PRKG1: variants seen among roughly 807,000 people sequenced by gnomAD.
PRKG1 encodes the protein protein kinase cGMP-dependent 1, also known as cGMP-dependent protein kinase 1.
In PRKG1, 35 loss-of-function variants were observed where a neutral mutation model predicts 88.1. The ratio of observed to expected loss-of-function variants is 0.40; its 90% confidence interval spans 0.30 to 0.53. PRKG1 has a LOEUF of 0.53. Ranked by LOEUF, PRKG1 falls within the 20% of genes least tolerant of loss-of-function variation. PRKG1 has a pLI of 0.59. For synonymous variants in PRKG1, 303 were observed against 292.5 expected (o/e 1.04, Z -0.37); for missense variants, 540 against 839.8 (o/e 0.64, Z 4.41).
At chr10:52,166,279 G>T (rs1049132115) in intron 9 of PRKG1, among the ~76,000 whole-genome samples, 8 of 151,880 alleles carry the variant, frequency 5.3e-5, no homozygotes, top group Non-Finnish European at 4.4e-5. Context: ...GCTTTATAAC[G>T]TGCACACCAA....
chr10:51,844,749 C>T (rs1840359103), intron 4 of PRKG1, among the ~76,000 whole-genome samples: 1 of 151,870 alleles, frequency 6.6e-6, no homozygotes, highest in Admixed American at 6.6e-5. Context: ...CAATAAATAG[C>T]CAAAAAGTTA....
chr10:51,861,522 C>T (rs1272582563), intron 4 of PRKG1, among the ~76,000 whole-genome samples: 1 of 152,134 alleles, frequency 6.6e-6, no homozygotes, highest in Non-Finnish European at 1.5e-5. Flanking sequence ...CTTTGGCTTG[C>T]AGTCTTAAGT....
At chr10:51,298,891 T>C (rs1192712096) in intron 2 of PRKG1, among the ~76,000 whole-genome samples, 1 of 152,172 alleles carries the variant, frequency 6.6e-6, no homozygotes, top group Non-Finnish European at 1.5e-5. Flanking sequence ...GAAGCTTGAT[T>C]GCTGTGATCT....
intron 1 of PRKG1, among the ~76,000 whole-genome samples, chr10:51,139,342 A>G (rs955453722): frequency 2.0e-5 from 3 of 152,352 alleles, no homozygotes; most frequent in East Asian, 1.9e-4. Flanking sequence ...AGAATAGCCA[A>G]TGATTTAAAA....
intron 1 of PRKG1, among the ~76,000 whole-genome samples, chr10:51,114,841 T>C (rs1379191922): frequency 6.6e-6 from 1 of 152,224 alleles, no homozygotes; most frequent in Non-Finnish European, 1.5e-5. Flanking sequence ...AATGGGCAAT[T>C]AATTTCTGCA....
intron 1 of PRKG1, among the ~76,000 whole-genome samples, chr10:51,048,853 CT>C (rs36099501): frequency 0.26 from 38,293 of 148,062 alleles, 4,995 homozygotes; most frequent in African/African-American, 0.3. Flanking sequence ...AGTATAGTGA[CT>C]TTTTTTTTTT....
chr10:51,285,535 A>G (rs1032418565), intron 2 of PRKG1, among the ~76,000 whole-genome samples: 1 of 152,208 alleles, frequency 6.6e-6, no homozygotes, highest in African/African-American at 2.4e-5. Flanking sequence ...GATCTGTTAA[A>G]ACAGTATATT....
intron 4 of PRKG1, among the ~76,000 whole-genome samples, chr10:51,875,722 A>C (rs2132867757): frequency 6.6e-6 from 1 of 152,354 alleles, no homozygotes; most frequent in African/African-American, 2.4e-5. Context: ...TAATACTTAA[A>C]GCAAAAAGGG....
intron 1 of PRKG1, among the ~76,000 whole-genome samples, chr10:51,035,118 C>T (rs148017403): frequency 6.6e-6 from 1 of 152,166 alleles, no homozygotes; most frequent in East Asian, 1.9e-4. Context: ...GGGGTTTGGG[C>T]TCTGGGTTCA....
chr10:52,088,459 A>C (rs1846971520), intron 7 of PRKG1, among the ~76,000 whole-genome samples: 1 of 152,082 alleles, frequency 6.6e-6, no homozygotes, highest in Non-Finnish European at 1.5e-5. Flanking sequence ...GTTGAAACTG[A>C]ATTCCCAATA....
At chr10:51,755,620 ATTTAAC>A (rs1837839805) in intron 3 of PRKG1, among the ~76,000 whole-genome samples, 3 of 152,338 alleles carry the variant, frequency 2.0e-5, no homozygotes, top group African/African-American at 4.8e-5. Context: ...ACCTTTTCAA[ATTTAAC>A]TTTATATTTG....
chr10:51,276,094 C>G (rs909551220), intron 2 of PRKG1, among the ~76,000 whole-genome samples: 31 of 151,882 alleles, frequency 2.0e-4, no homozygotes, highest in Non-Finnish European at 3.1e-4. Flanking sequence ...AGGTATATCT[C>G]TTAATGCTAT....
At chr10:51,561,475 C>T (rs538212344) in intron 3 of PRKG1, among the ~76,000 whole-genome samples, 1 of 152,226 alleles carries the variant, frequency 6.6e-6, no homozygotes, top group African/African-American at 2.4e-5. Flanking sequence ...AGGTGTTTTG[C>T]AAAGTGCTTG....
intron 2 of PRKG1, among the ~76,000 whole-genome samples, chr10:51,263,403 T>G (rs1589291323): frequency 6.6e-6 from 1 of 152,198 alleles, no homozygotes; most frequent in African/African-American, 2.4e-5. Flanking sequence ...TGGCTGGACT[T>G]TTAGTTACAG....
intron 7 of PRKG1, among the ~76,000 whole-genome samples, chr10:52,132,966 T>C (rs1201881076): frequency 2.0e-5 from 3 of 152,086 alleles, no homozygotes; most frequent in Non-Finnish European, 2.9e-5. Context: ...TCAATTACAT[T>C]AAGTTATTTA....
chr10:51,390,369 G>A (rs138175442), intron 2 of PRKG1, among the ~76,000 whole-genome samples: 24 of 152,084 alleles, frequency 1.6e-4, no homozygotes, highest in African/African-American at 4.3e-4. Flanking sequence ...CATGACATGC[G>A]TATATTCATA....
intron 12 of PRKG1, among the ~76,000 whole-genome samples, chr10:52,277,659 G>A (rs1841905552): frequency 6.6e-6 from 1 of 152,064 alleles, no homozygotes; most frequent in Non-Finnish European, 1.5e-5. Flanking sequence ...GTTGAGCCCA[G>A]GATTCTTGCT....
chr10:52,146,698 T>A (rs574052004), intron 8 of PRKG1, among the ~76,000 whole-genome samples: 3 of 152,356 alleles, frequency 2.0e-5, no homozygotes, highest in Admixed American at 2.0e-4. Flanking sequence ...TTGTCATAGT[T>A]TCTTGACTGT....
chr10:51,444,227 G>A (rs1366800842), intron 2 of PRKG1, among the ~76,000 whole-genome samples: 3 of 151,398 alleles, frequency 2.0e-5, no homozygotes, highest in Non-Finnish European at 4.4e-5. Context: ...AAACAGTGAG[G>A]GCATTTGCAT....
Sources: gnomAD v4.1 joint callset for allele counts (sites outside exome capture counted in the v4.1 genomes callset) on GRCh38, gnomAD v4.1.1 for gene constraint, MANE v1.5 for transcripts, NCBI Gene and HGNC (gene_info 2026-07-23, HGNC 2026-07-21) for gene names.